Variants in LAMA2 observed in about 807,000 individuals in gnomAD.
The protein encoded by LAMA2 is laminin subunit alpha 2.
In LAMA2, 269 loss-of-function variants were observed where a neutral mutation model predicts 364.8. The observed-to-expected ratio is 0.74, with a 90% confidence interval of 0.67 to 0.82. The LOEUF (loss-of-function observed/expected upper bound fraction) is 0.82, where lower values mean the gene tolerates loss of function less well. LAMA2 is among the 40% of genes least tolerant of loss of function. The pLI, the probability that LAMA2 is intolerant of heterozygous loss-of-function variation, is 0.00. For synonymous variants in LAMA2, 1,379 were observed against 1,370.6 expected, an observed-to-expected ratio of 1.01 and a Z score of -0.14; for missense variants, 3,807 against 3,873.2, an observed-to-expected ratio of 0.98 and a Z score of 0.45.
intron 22 of LAMA2, 123 bp from the exon 23 acceptor site, chr6:129,312,738 A>C: frequency 1.3e-6 from 1 of 754,170 alleles, no homozygotes; most frequent in Middle Eastern, 3.1e-4. Context: ...AGAATAGTAC[A>C]AAGCCTATAA....
Position 129,464,276 on chromosome 6 carries a change from G to A in LAMA2, c.6993-14G>A. ...AGATATGATCTGATTCATGTGAAAT[G>A]TCTCTCTTCTCAGTCCTCAGGTGGA... is the stretch of plus-strand genomic sequence containing the variant. On this transcript the variant is annotated splice_polypyrimidine_tract_variant and intron_variant, in intron 49 of 64. Transcript: ENST00000421865. 6.2e-7 allele frequency: 1 copy of A among 1,606,050 alleles called. No homozygotes were observed. The highest frequency in any genetic ancestry group is 8.5e-7 in the Non-Finnish European group (1 of 1,173,234).
chr6:129,310,027 G>A (rs978406651), intron 22 of LAMA2, among the ~76,000 whole-genome samples: 4 of 150,646 alleles, frequency 2.7e-5, no homozygotes, highest in African/African-American at 9.8e-5. Flanking sequence ...AGCCTCCCGA[G>A]TAGCTGGGAC....
At chr6:129,052,135 C>T (rs1283928769) in intron 2 of LAMA2, among the ~76,000 whole-genome samples, 25 of 127,402 alleles carry the variant, frequency 2.0e-4, no homozygotes, top group African/African-American at 6.5e-4. Context: ...ATTTCTTCTC[C>T]TTTTTTTTTT....
chr6:129,261,545 C>T (rs1787134490), intron 15 of LAMA2, among the ~76,000 whole-genome samples: 1 of 152,102 alleles, frequency 6.6e-6, no homozygotes, highest in Non-Finnish European at 1.5e-5. Flanking sequence ...AAAATGTGAA[C>T]ACTATTTCCT....
intron 1 of LAMA2, among the ~76,000 whole-genome samples, chr6:128,892,513 T>C (rs1322806913): frequency 2.0e-5 from 3 of 152,070 alleles, no homozygotes; most frequent in African/African-American, 7.2e-5. Flanking sequence ...GATAAATATA[T>C]GGCATATAGT....
chr6:129,346,512 C>T (rs1248534243), intron 30 of LAMA2, among the ~76,000 whole-genome samples: 2 of 152,086 alleles, frequency 1.3e-5, no homozygotes, highest in African/African-American at 4.8e-5. Context: ...TACTTCATCC[C>T]AACACTATGA....
chr6:128,997,196 A>G (rs1419632158), intron 1 of LAMA2, among the ~76,000 whole-genome samples: 2 of 152,054 alleles, frequency 1.3e-5, no homozygotes, highest in Non-Finnish European at 2.9e-5. Context: ...TGATGGGTTG[A>G]TGGCTGCAGC....
At chr6:129,288,428 T>C (rs917116949) in intron 19 of LAMA2, among the ~76,000 whole-genome samples, 3 of 152,182 alleles carry the variant, frequency 2.0e-5, no homozygotes, top group African/African-American at 7.2e-5. Context: ...CTTTAAATAA[T>C]TTTTTCTGCC....
chr6:129,250,796 C>T (rs1786124399), intron 13 of LAMA2, among the ~76,000 whole-genome samples: 2 of 151,974 alleles, frequency 1.3e-5, no homozygotes, highest in Non-Finnish European at 2.9e-5. Context: ...AATAATGTAT[C>T]TCCTCCCCTT....
chr6:129,432,930 G>A (rs1297752351), intron 41 of LAMA2, among the ~76,000 whole-genome samples: 1 of 152,170 alleles, frequency 6.6e-6, no homozygotes, highest in Non-Finnish European at 1.5e-5. Context: ...GCATATGCAA[G>A]CATGGTGCTT....
intron 1 of LAMA2, among the ~76,000 whole-genome samples, chr6:129,047,050 A>G (rs1001723503): frequency 6.6e-6 from 1 of 152,232 alleles, no homozygotes; most frequent in Admixed American, 6.5e-5. Flanking sequence ...ATTTAATCGC[A>G]TATCATTTAT....
intron 34 of LAMA2, among the ~76,000 whole-genome samples, chr6:129,379,689 A>T (rs1298648481): frequency 6.6e-6 from 1 of 152,186 alleles, no homozygotes; most frequent in South Asian, 2.1e-4. Flanking sequence ...AGTTTGAATT[A>T]CTGTGAGGCC....
intron 17 of LAMA2, among the ~76,000 whole-genome samples, chr6:129,275,983 A>G (rs958429806): frequency 5.3e-5 from 8 of 152,138 alleles, no homozygotes; most frequent in African/African-American, 1.4e-4. Context: ...AATTAAAGAA[A>G]TAAGTGTTTG....
intron 14 of LAMA2, among the ~76,000 whole-genome samples, chr6:129,260,299 A>C (rs2114318664): frequency 6.6e-6 from 1 of 152,296 alleles, no homozygotes; most frequent in African/African-American, 2.4e-5. Context: ...TTAAAAGCTA[A>C]GATGGAATAT....
chr6:129,358,578 G>A (rs1158130259), intron 32 of LAMA2, among the ~76,000 whole-genome samples: 1 of 152,006 alleles, frequency 6.6e-6, no homozygotes, highest in Non-Finnish European at 1.5e-5. Context: ...GCATCCTAAT[G>A]CAAGGAAGCA....
intron 4 of LAMA2, among the ~76,000 whole-genome samples, chr6:129,109,301 C>T (rs965110346): frequency 1.3e-5 from 2 of 152,072 alleles, no homozygotes; most frequent in Admixed American, 1.3e-4. Flanking sequence ...GTTGTGTGGT[C>T]AAAGTACTGC....
intron 40 of LAMA2, among the ~76,000 whole-genome samples, chr6:129,424,634 C>T (rs1781238895): frequency 6.6e-6 from 1 of 151,860 alleles, no homozygotes; most frequent in Non-Finnish European, 1.5e-5. Context: ...TGTTATTAGT[C>T]ATAAGGAAAA....
In LAMA2 at chr6:129,270,636, C is replaced by T. The variant is rs1179257909; in HGVS notation, c.2335C>T (p.His779Tyr). The change falls in exon 17 of 65, where the codon CAC (histidine) becomes TAC (tyrosine). Residue 779 changes from histidine to tyrosine, a missense_variant. Coordinates refer to ENST00000421865, the MANE Select transcript of LAMA2 (RefSeq NM_000426.4). The stretch of plus-strand genomic sequence containing the variant: ...ATTTCTTTCTCAGAACTGTAAGGAT[C>T]ACACAGGTGGCCCATATTGTGATAA... ...VTGECLNCKD[H>Y]TGGPYCDKCL... 6.2e-7 allele frequency: 1 copy of T among 1,613,018 alleles called. No individual in the cohort carries two copies. The highest frequency in any genetic ancestry group is 2.2e-5 in the East Asian group (1 of 44,816).
intron 1 of LAMA2, among the ~76,000 whole-genome samples, chr6:129,035,858 A>G (rs1454018426): frequency 2.6e-5 from 4 of 152,122 alleles, no homozygotes; most frequent in Admixed American, 1.3e-4. Context: ...TACCATTACC[A>G]TGCTGTTTTA....
Sources: allele counts gnomAD v4.1 joint callset (sites outside exome capture counted in the v4.1 genomes callset), GRCh38; gene constraint gnomAD v4.1.1; transcripts MANE v1.5; gene names NCBI Gene and HGNC (gene_info 2026-07-23, HGNC 2026-07-21).